Variants in RP1 observed in about 807,000 individuals in gnomAD.
The protein encoded by RP1 is oxygen-regulated protein 1.
Under a neutral mutation model 14.8 loss-of-function variants are expected in RP1, and 16 were observed. That is an observed-to-expected ratio of 1.08 (90% CI 0.73 to 1.65). RP1 has a LOEUF of 1.65. Ranked by LOEUF, RP1 falls within the 40% of genes most tolerant of loss-of-function variation. RP1 has a pLI of 0.00. For missense variants in RP1, 2,631 were observed against 2,535.0 expected, an observed-to-expected ratio of 1.04 and a Z score of -0.81; for synonymous variants, 876 against 883.6, an observed-to-expected ratio of 0.99 and a Z score of 0.15.
In RP1 at chr8:54,628,349, C is replaced by T. The variant is rs794727639; in HGVS notation, c.4467C>T (p.Ala1489=). ...CAGTGGTAAATGGAGGAGAGCAAGC[C>T]ACTGAAGAATTAATCCAAGAAGAGG... ...FNTVVNGGEQ[A]TEELIQEEVE... is the part of the protein sequence containing the mutation. The change falls in exon 4 of 4, where the codon GCC becomes GCT. Residue 1489 remains alanine, a synonymous_variant. Transcript: ENST00000220676. 6.2e-7 allele frequency: 1 copy of T among 1,613,668 alleles called. No individual in the cohort carries two copies. The highest frequency in any genetic ancestry group is 2.2e-5 in the East Asian group (1 of 44,848).
intron 16 of RP1, among the ~76,000 whole-genome samples, chr8:54,725,441 A>G (rs1285666792): frequency 6.6e-6 from 1 of 152,214 alleles, no homozygotes; most frequent in African/African-American, 2.4e-5. Flanking sequence ...TGAAGGATAT[A>G]AATAACAATG....
chr8:54,779,196 G>T (rs1476981604), intron 23 of RP1, among the ~76,000 whole-genome samples: 1 of 152,174 alleles, frequency 6.6e-6, no homozygotes, highest in Non-Finnish European at 1.5e-5. Flanking sequence ...GGAAGTGAGA[G>T]GCTGCAGTCT....
downstream of RP1, among the ~76,000 whole-genome samples, chr8:54,631,518 G>A (rs565604926): frequency 6.6e-6 from 1 of 151,880 alleles, no homozygotes; most frequent in East Asian, 1.9e-4. Flanking sequence ...CACTGTGAAT[G>A]TGGCTTTATT....
intron 1 of RP1, among the ~76,000 whole-genome samples, chr8:54,607,459 G>C (rs1363500673): frequency 1.3e-5 from 2 of 152,166 alleles, no homozygotes; most frequent in Admixed American, 1.3e-4. Flanking sequence ...CCCCTACTGG[G>C]GGGTGCCTCC....
intron 1 of RP1, among the ~76,000 whole-genome samples, chr8:54,605,368 C>G (rs1344961185): frequency 6.6e-6 from 1 of 152,140 alleles, no homozygotes; most frequent in African/African-American, 2.4e-5. Context: ...TTTCTTAATC[C>G]TGAGTTCTAG....
intron 3 of RP1, among the ~76,000 whole-genome samples, chr8:54,638,602 T>C (rs1237334276): frequency 6.6e-6 from 1 of 152,170 alleles, no homozygotes; most frequent in African/African-American, 2.4e-5. Flanking sequence ...TCTGCTCCCA[T>C]ACATGTGACC....
At chr8:54,568,062 A>G (rs1187363534) in intron 1 of RP1, among the ~76,000 whole-genome samples, 1 of 152,206 alleles carries the variant, frequency 6.6e-6, no homozygotes, top group Non-Finnish European at 1.5e-5. Context: ...GTGATTGGCT[A>G]CCATTCCCAT....
intron 12 of RP1, chr8:54,680,017 A>T: frequency 6.9e-7 from 1 of 1,446,670 alleles, no homozygotes; most frequent in Non-Finnish European, 9.1e-7. Context: ...TTTAATTTAT[A>T]GTTTTGTTCT....
chr8:54,684,302 C>A, intron 12 of RP1, among the ~76,000 whole-genome samples: 1 of 152,160 alleles, frequency 6.6e-6, no homozygotes, highest in African/African-American at 2.4e-5. Flanking sequence ...CCAGGTTTTG[C>A]TATCAGAATG....
intron 5 of RP1, chr8:54,652,895 T>G: frequency 6.8e-7 from 1 of 1,470,802 alleles, no homozygotes; most frequent in Non-Finnish European, 9.2e-7. Flanking sequence ...TTTCCCATTC[T>G]TTGCAAAATC....
intron 7 of RP1, among the ~76,000 whole-genome samples, chr8:54,671,780 G>A (rs957323879): frequency 1.3e-5 from 2 of 152,014 alleles, no homozygotes; most frequent in Non-Finnish European, 2.9e-5. Context: ...AGTATTTTAA[G>A]ATAGTTGTTT....
chr8:54,786,131 T>A (rs963501939), intron 24 of RP1, among the ~76,000 whole-genome samples: 1 of 152,126 alleles, frequency 6.6e-6, no homozygotes. Flanking sequence ...CCTTCTAGTG[T>A]TCTTTCAAAT....
At chr8:54,719,798 T>C (rs1808491975) in intron 15 of RP1, among the ~76,000 whole-genome samples, 1 of 152,212 alleles carries the variant, frequency 6.6e-6, no homozygotes, top group Admixed American at 6.5e-5. Context: ...AAAGAAAAGT[T>C]CCACATTTTA....
In RP1 at chr8:54,827,630, A is replaced by AC. The variant is rs1468835971; in HGVS notation, c.3616-9819dup. On this transcript the variant is annotated intron_variant, in intron 24 of 28. Transcript: ENST00000637698. ...CAGGCGTGAGCCACTGTGCCAGGCT[A>AC]CATTTTTTATTTTTAAAAGTAATTA... Among the ~76,000 whole-genome samples the AC allele has an allele frequency of 3.3e-5, 5 of 152,292 alleles. No homozygotes were observed. The East Asian group carries it at 7.7e-4, about 24-fold the overall frequency.
chr8:54,652,290 G>A (rs1208685347), intron 4 of RP1, among the ~76,000 whole-genome samples: 1 of 152,090 alleles, frequency 6.6e-6, no homozygotes, highest in Non-Finnish European at 1.5e-5. Context: ...TTTTCAGTTT[G>A]CCTTATAATA....
chr8:54,575,238 T>A (rs1023085377), intron 1 of RP1, among the ~76,000 whole-genome samples: 1 of 152,174 alleles, frequency 6.6e-6, no homozygotes, highest in Non-Finnish European at 1.5e-5. Flanking sequence ...CTTATGATGA[T>A]CTGGAAGCTG....
At chr8:54,734,602 T>C (rs1317911263) in exon 18 of RP1, 1 of 1,535,542 alleles carries the variant, frequency 6.5e-7, no homozygotes, top group Non-Finnish European at 8.7e-7. Flanking sequence ...GAATGGAAGG[T>C]GTTAGTGCTG....
chr8:54,747,536 G>A (rs1458868195), intron 19 of RP1, among the ~76,000 whole-genome samples: 1 of 152,194 alleles, frequency 6.6e-6, no homozygotes, highest in African/African-American at 2.4e-5. Flanking sequence ...CTGTCATGTA[G>A]TAGATGTTAA....
chr8:54,756,902 G>A (rs1809519593), intron 21 of RP1, among the ~76,000 whole-genome samples: 1 of 152,152 alleles, frequency 6.6e-6, no homozygotes, highest in Non-Finnish European at 1.5e-5. Flanking sequence ...ATTGTGTTTA[G>A]CATTTTCCAG....
Sources: gnomAD v4.1 joint callset for allele counts (sites outside exome capture counted in the v4.1 genomes callset) on GRCh38, gnomAD v4.1.1 for gene constraint, MANE v1.5 for transcripts, NCBI Gene and HGNC (gene_info 2026-07-23, HGNC 2026-07-21) for gene names.